WHRN: variants seen among roughly 807,000 people sequenced by gnomAD.
WHRN encodes the protein whirlin, also known as CASK-interacting protein CIP98.
WHRN carries 41 observed loss-of-function variants against 68.3 expected under a neutral mutation model. That is an observed-to-expected ratio of 0.60 (90% CI 0.47 to 0.78). The LOEUF is 0.78. Among genes scored for constraint, WHRN ranks in the 30% least tolerant of loss-of-function variants. The probability of loss-of-function intolerance (pLI) is 0.00; values close to 1 mark genes in which losing one functional copy is unlikely to be tolerated. For missense variants in WHRN, 1,243 were observed against 1,244.7 expected, an observed-to-expected ratio of 1.00 and a Z score of 0.02; for synonymous variants, 560 against 561.3, an observed-to-expected ratio of 1.00 and a Z score of 0.03.
chr9:114,433,147 C>G (rs966970366), intron 3 of WHRN, among the ~76,000 whole-genome samples: 2 of 152,244 alleles, frequency 1.3e-5, no homozygotes. Flanking sequence ...AAAAGCCAGC[C>G]TGCCCTTCCT....
chr9:114,460,507 G>A (rs2132864263), intron 3 of WHRN, among the ~76,000 whole-genome samples: 1 of 152,350 alleles, frequency 6.6e-6, no homozygotes, highest in East Asian at 1.9e-4. Flanking sequence ...GAACAAAGGA[G>A]GTTTTGTGGT....
rs563952012 is a variant in WHRN, at chr9:114,484,398, A to G, written c.619-5627T>C. 3.3e-5 allele frequency among the ~76,000 whole-genome samples: 5 copies of G among 152,314 alleles called. No individual in the cohort carries two copies. The East Asian group carries it at 9.6e-4, about 29-fold the overall frequency. ...GCATATTAGCTGTGCCACCTCACAC[A>G]AGTTACCAAACCTCTCTGTTCTTCT... On this transcript the variant is annotated intron_variant, in intron 1 of 11. Transcript: ENST00000362057.
intron 3 of WHRN, among the ~76,000 whole-genome samples, chr9:114,428,483 G>A (rs1008679623): frequency 3.9e-5 from 6 of 152,124 alleles, no homozygotes. Context: ...TATAAAGTAA[G>A]TATCATAGCT....
At chr9:114,411,879 C>A (rs564081698) in intron 7 of WHRN, among the ~76,000 whole-genome samples, 1 of 152,282 alleles carries the variant, frequency 6.6e-6, no homozygotes, top group East Asian at 1.9e-4. Context: ...ACTACACTGT[C>A]CCAACCCCAG....
chr9:114,454,616 G>C (rs1277623181), intron 3 of WHRN, among the ~76,000 whole-genome samples: 1 of 151,624 alleles, frequency 6.6e-6, no homozygotes, highest in African/African-American at 2.4e-5. Flanking sequence ...AGACTGAATA[G>C]TATGAAGATG....
At chr9:114,466,466 CCCTCT>C (rs1840703434) in intron 2 of WHRN, 74 bp from the exon 3 acceptor site, 11 of 1,600,126 alleles carry the variant, frequency 6.9e-6, no homozygotes, top group Non-Finnish European at 9.4e-6. Context: ...CTGCAAAGCC[CCCTCT>C]CGTACTTTGA....
intron 3 of WHRN, among the ~76,000 whole-genome samples, chr9:114,463,065 C>A (rs1840376831): frequency 6.6e-6 from 1 of 152,212 alleles, no homozygotes; most frequent in Non-Finnish European, 1.5e-5. Context: ...GCTGTTCATG[C>A]ATTTATGTCA....
chr9:114,498,133 C>T (rs960438590), intron 1 of WHRN, among the ~76,000 whole-genome samples: 11 of 152,270 alleles, frequency 7.2e-5, no homozygotes, highest in East Asian at 1.9e-4. Context: ...TCCATTCATT[C>T]GGCAAATATT....
Position 114,504,660 on chromosome 9 carries a change from C to T in WHRN, c.142G>A (p.Ala48Thr). ...NVRQLHQALT[A>T]LLSEAEREQF... ...TCCCGCTCCGCCTCGCTCAGCAGCG[C>T]GGTCAGCGCTTGGTGCAGCTGGCGC... The change falls in exon 1 of 12, where the codon GCG becomes ACG. Residue 48 changes from alanine (A) to threonine (T), a missense_variant. Transcript: ENST00000362057. The T allele has an allele frequency of 6.2e-7, 1 of 1,604,806 alleles. No homozygotes were observed. The highest frequency in any genetic ancestry group is 8.5e-7 in the Non-Finnish European group (1 of 1,177,220).
Position 114,466,383 on chromosome 9 carries a change from C to T in WHRN, c.847G>A (p.Val283Met). Reference sequence around the variant, plus strand: ...CCCAGGGACCGGCCGTCCCCCAGCACCAGGTTCACCTGTCAGAGGGAGAGG... The same window carrying T: ...CCCAGGGACCGGCCGTCCCCCAGCATCAGGTTCACCTGTCAGAGGGAGAGG... ...QGGDEKKVNL[V>M]LGDGRSLGLT... The change falls in exon 3 of 12, where the codon GTG (valine) becomes ATG (methionine). Residue 283 changes from valine (V) to methionine (M), a missense_variant. Val to Met is a conservative substitution (Grantham distance 21). Coordinates refer to ENST00000362057, the MANE Select transcript of WHRN (RefSeq NM_015404.4). 6.2e-7 allele frequency: 1 copy of T among 1,614,084 alleles called. No homozygotes were observed. Among genetic ancestry groups the T allele is most frequent in the South Asian group, 1.1e-5 (1 of 91,092 alleles).
intron 1 of WHRN, chr9:114,503,221 C>T (rs1844085365): frequency 6.1e-6 from 6 of 984,960 alleles, no homozygotes; most frequent in African/African-American, 1.7e-5. Flanking sequence ...CCTGCGCTGG[C>T]GGGGAGTGGG....
At chr9:114,499,674 A>T (rs1037866120) in intron 1 of WHRN, among the ~76,000 whole-genome samples, 4 of 152,258 alleles carry the variant, frequency 2.6e-5, no homozygotes, top group Admixed American at 6.5e-5. Context: ...GCAGTCAGGC[A>T]CATGAGCGAG....
intron 3 of WHRN, among the ~76,000 whole-genome samples, chr9:114,458,493 C>T (rs1408528): frequency 0.75 from 113,500 of 152,124 alleles, 42,535 homozygotes; most frequent in East Asian, 0.97. Flanking sequence ...GAAAAAAATG[C>T]GGGAAGGAGA....
chr9:114,498,052 T>G (rs1843613717), intron 1 of WHRN, among the ~76,000 whole-genome samples: 1 of 152,140 alleles, frequency 6.6e-6, no homozygotes, highest in South Asian at 2.1e-4. Flanking sequence ...ATACACAGAC[T>G]TCCATCAGAT....
At chr9:114,431,632 C>G (rs1436536791) in intron 3 of WHRN, among the ~76,000 whole-genome samples, 1 of 152,142 alleles carries the variant, frequency 6.6e-6, no homozygotes, top group African/African-American at 2.4e-5. Flanking sequence ...TTGGAGGCAG[C>G]ATGTTTAAAG....
intron 1 of WHRN, among the ~76,000 whole-genome samples, chr9:114,493,348 C>CT (rs796867439): frequency 2.7e-5 from 2 of 75,220 alleles, no homozygotes; most frequent in African/African-American, 1.1e-4. Context: ...AAGACCCTAT[C>CT]TTTTTTTTAA....
intron 1 of WHRN, among the ~76,000 whole-genome samples, chr9:114,482,722 C>A (rs183419857): frequency 6.6e-6 from 1 of 152,158 alleles, no homozygotes; most frequent in South Asian, 2.1e-4. Flanking sequence ...GAACAATGCG[C>A]AGAGCATCAT....
intron 2 of WHRN, among the ~76,000 whole-genome samples, chr9:114,472,517 T>C (rs1841319633): frequency 6.6e-6 from 1 of 152,172 alleles, no homozygotes; most frequent in African/African-American, 2.4e-5. Context: ...TCTCTAACAC[T>C]GCCCCACGCA....
In WHRN at chr9:114,423,338, G is replaced by T; in HGVS notation, c.1602C>A (p.Thr534=). Residue 534 remains threonine (T), a synonymous_variant, in exon 7 of 12, where the codon ACC becomes ACA. Transcript: ENST00000362057. The stretch of plus-strand genomic sequence containing the variant: ...CCCTGGCCGAGCTGACGGTGGTGGA[G>T]GTGCCGTGGCTGCCTGTGGATGAAC... ...DTGSSTGSHG[T]STTVSSARNT... 6.2e-7 allele frequency: 1 copy of T among 1,613,948 alleles called. No homozygotes were observed. The highest frequency in any genetic ancestry group is 8.5e-7 in the Non-Finnish European group (1 of 1,179,918).
Sources: allele counts gnomAD v4.1 joint callset (sites outside exome capture counted in the v4.1 genomes callset), GRCh38; gene constraint gnomAD v4.1.1; transcripts MANE v1.5; gene names NCBI Gene and HGNC (gene_info 2026-07-23, HGNC 2026-07-21).